The following CACNG2 variants were observed in gnomAD, a reference collection of about 807,000 sequenced individuals.
CACNG2 encodes the protein calcium voltage-gated channel auxiliary subunit gamma 2, also known as voltage-dependent calcium channel gamma-2 subunit.
In CACNG2, 3 loss-of-function variants were observed where a neutral mutation model predicts 25.9. That is an observed-to-expected ratio of 0.12 (90% CI 0.05 to 0.30). The LOEUF is 0.30. CACNG2 is among the 10% of genes least tolerant of loss of function. The pLI is 1.00. For missense variants in CACNG2, 341 were observed against 432.5 expected, an observed-to-expected ratio of 0.79 and a Z score of 1.88; for synonymous variants, 167 against 173.3, an observed-to-expected ratio of 0.96 and a Z score of 0.29.
intron 1 of CACNG2, among the ~76,000 whole-genome samples, chr22:36,612,524 C>G (rs965583629): frequency 2.0e-5 from 3 of 152,190 alleles, no homozygotes; most frequent in African/African-American, 7.2e-5. Context: ...CAGCCAATAT[C>G]TTCCGTACAT....
At chr22:36,665,471 T>A (rs1936862974) in intron 1 of CACNG2, among the ~76,000 whole-genome samples, 1 of 152,254 alleles carries the variant, frequency 6.6e-6, no homozygotes, top group Non-Finnish European at 1.5e-5. Flanking sequence ...GCTTTCATTA[T>A]TTTAAATCTG....
chr22:36,677,698 T>C (rs1937037257), intron 1 of CACNG2, among the ~76,000 whole-genome samples: 1 of 152,196 alleles, frequency 6.6e-6, no homozygotes, highest in African/African-American at 2.4e-5. Context: ...TAAATGAAGC[T>C]GAAATTACCA....
chr22:36,671,950 A>T (rs1384226286), intron 1 of CACNG2, among the ~76,000 whole-genome samples: 1 of 152,282 alleles, frequency 6.6e-6, no homozygotes, highest in East Asian at 1.9e-4. Flanking sequence ...AGAGATTAGG[A>T]CTGAGGATAG....
At chr22:36,656,482 C>T (rs1936706956) in intron 1 of CACNG2, among the ~76,000 whole-genome samples, 2 of 152,202 alleles carry the variant, frequency 1.3e-5, no homozygotes, top group Non-Finnish European at 2.9e-5. Context: ...TTCACTACCC[C>T]TAATTCAAGC....
At chr22:36,670,443 A>T (rs2746967) in intron 1 of CACNG2, among the ~76,000 whole-genome samples, 1 of 151,970 alleles carries the variant, frequency 6.6e-6, no homozygotes, top group African/African-American at 2.4e-5. Context: ...ATCTTTATAA[A>T]CTGACAGTCT....
rs150675070 is a variant in CACNG2, at chr22:36,692,471, T to C, written c.211+9895A>G. On this transcript the variant is annotated intron_variant, in intron 1 of 3. Transcript: ENST00000300105. ...CCCAGCAGGCAGTGACTTATCAGCT[T>C]TTATGGCAAAGCTGGGGCCCAGGAG... Among the ~76,000 whole-genome samples the C allele has an allele frequency of 1.7e-3, 264 of 152,258 alleles. 1 individual carries two copies. The highest frequency in any genetic ancestry group is 6.0e-3 in the African/African-American group (248 of 41,536).
intron 1 of CACNG2, among the ~76,000 whole-genome samples, chr22:36,632,469 C>CCTCTCTCT (rs131827): frequency 1.4e-5 from 2 of 145,628 alleles, no homozygotes; most frequent in African/African-American, 5.1e-5. Context: ...TCTCTCCTCT[C>CCTCTCTCT]CTCTCTCTCT....
intron 2 of CACNG2, among the ~76,000 whole-genome samples, chr22:36,570,025 G>A (rs1168293854): frequency 1.3e-5 from 2 of 152,204 alleles, no homozygotes; most frequent in Non-Finnish European, 2.9e-5. Context: ...AGAAAGTGGG[G>A]TCTTACTACC....
intron 2 of CACNG2, among the ~76,000 whole-genome samples, chr22:36,577,526 C>T (rs1433827531): frequency 2.0e-5 from 3 of 151,776 alleles, no homozygotes; most frequent in African/African-American, 4.8e-5. Context: ...GGCGCAGGCC[C>T]GTAGTCCCAC....
In CACNG2 at chr22:36,563,547, T is replaced by C. The variant is rs1776093285; in HGVS notation, c.*804A>G. On this transcript the variant is annotated 3_prime_UTR_variant, in exon 4 of 4. Coordinates refer to ENST00000300105, the MANE Select transcript of CACNG2 (RefSeq NM_006078.5). ...CAGTGGGTTAAGGAGCATTAAGGACTGGGAACCTGGGGCCAGGCAAGCCCC... is the reference window on the plus strand; with the variant it reads ...CAGTGGGTTAAGGAGCATTAAGGACCGGGAACCTGGGGCCAGGCAAGCCCC... 6.6e-6 allele frequency among the ~76,000 whole-genome samples: 1 copy of C among 152,130 alleles called. No individual in the cohort carries two copies. Among genetic ancestry groups the C allele is most frequent in the Non-Finnish European group, 1.5e-5 (1 of 67,986 alleles).
At chr22:36,612,464 T>C (rs1935957570) in intron 1 of CACNG2, among the ~76,000 whole-genome samples, 1 of 152,224 alleles carries the variant, frequency 6.6e-6, no homozygotes, top group Non-Finnish European at 1.5e-5. Context: ...TAAAAGACTC[T>C]AGCCTCCTAA....
intron 1 of CACNG2, among the ~76,000 whole-genome samples, chr22:36,626,081 G>A (rs1936179256): frequency 6.6e-6 from 1 of 152,080 alleles, no homozygotes; most frequent in African/African-American, 2.4e-5. Context: ...CACCATGCCC[G>A]GCTAACTTTT....
intron 1 of CACNG2, among the ~76,000 whole-genome samples, chr22:36,699,237 TCACACACACACACACA>T (rs3076293): frequency 2.1e-5 from 3 of 141,904 alleles, no homozygotes; most frequent in Non-Finnish European, 4.6e-5. Context: ...GATTTCAAGT[TCACACACACACACACA>T]CACACACACA....
chr22:36,572,270 C>A (rs747144439), intron 2 of CACNG2, among the ~76,000 whole-genome samples: 2 of 152,140 alleles, frequency 1.3e-5, no homozygotes, highest in Non-Finnish European at 2.9e-5. Flanking sequence ...AGATTACACA[C>A]GCCTAAAGCT....
intron 1 of CACNG2, among the ~76,000 whole-genome samples, chr22:36,611,419 C>T (rs1240161376): frequency 6.6e-6 from 1 of 152,172 alleles, no homozygotes; most frequent in Non-Finnish European, 1.5e-5. Context: ...TCTTCAGAGG[C>T]AAATGTTGGA....
At chr22:36,585,048 G>C (rs574377393) in intron 2 of CACNG2, 71 of 152,316 alleles carry the variant, frequency 4.7e-4, no homozygotes, top group African/African-American at 1.7e-3. Flanking sequence ...CGGGGCATTA[G>C]ACCATGATTT....
At chr22:36,691,756 A>G (rs1448473129) in intron 1 of CACNG2, among the ~76,000 whole-genome samples, 1 of 152,180 alleles carries the variant, frequency 6.6e-6, no homozygotes, top group Non-Finnish European at 1.5e-5. Context: ...ATTAAATAAG[A>G]GCCTCTGGAG....
At chr22:36,649,188 C>T (rs1302051292) in intron 1 of CACNG2, among the ~76,000 whole-genome samples, 1 of 152,214 alleles carries the variant, frequency 6.6e-6, no homozygotes, top group Non-Finnish European at 1.5e-5. Context: ...TCTTCTGCCG[C>T]GGCAGCTCCA....
chr22:36,588,570 G>T (rs1024979296), intron 1 of CACNG2, among the ~76,000 whole-genome samples: 1 of 152,254 alleles, frequency 6.6e-6, no homozygotes, highest in Non-Finnish European at 1.5e-5. Context: ...CTGAATGGAA[G>T]AAAGATTGGG....
Sources: gnomAD v4.1 joint callset for allele counts (sites outside exome capture counted in the v4.1 genomes callset) on GRCh38, gnomAD v4.1.1 for gene constraint, MANE v1.5 for transcripts, NCBI Gene and HGNC (gene_info 2026-07-23, HGNC 2026-07-21) for gene names.